The following CLVS1 variants were observed in gnomAD, a reference collection of about 807,000 sequenced individuals.
CLVS1 encodes clavesin 1, also known as clavesin-1.
CLVS1 carries 10 observed loss-of-function variants against 33.1 expected under a neutral mutation model. The observed-to-expected ratio is 0.30, with a 90% CI of 0.19 to 0.51. The LOEUF (loss-of-function observed/expected upper bound fraction) is 0.51, where lower values mean the gene tolerates loss of function less well. Among genes scored for constraint, CLVS1 ranks in the 20% least tolerant of loss-of-function variants. CLVS1 has a pLI of 0.97. For missense variants in CLVS1, 343 were observed against 433.4 expected (o/e 0.79, Z 1.85); for synonymous variants, 163 against 166.1 (o/e 0.98, Z 0.14).
intron 2 of CLVS1, among the ~76,000 whole-genome samples, chr8:61,269,315 T>C (rs1809382148): frequency 6.6e-6 from 1 of 152,228 alleles, no homozygotes; most frequent in Non-Finnish European, 1.5e-5. Context: ...TTGTCAAAGA[T>C]CAGATAGTTG....
intron 1 of CLVS1, among the ~76,000 whole-genome samples, chr8:61,087,375 G>C (rs999534491): frequency 6.6e-6 from 1 of 152,160 alleles, no homozygotes; most frequent in African/African-American, 2.4e-5. Context: ...ATCCTTGAGG[G>C]AGTCAGGTCT....
chr8:61,177,421 C>A (rs1807134970), intron 2 of CLVS1, among the ~76,000 whole-genome samples: 1 of 152,166 alleles, frequency 6.6e-6, no homozygotes, highest in Non-Finnish European at 1.5e-5. Flanking sequence ...CTGAGGAATC[C>A]ATCAGCCCAG....
At chr8:61,340,968 G>A (rs550988628) in intron 2 of CLVS1, among the ~76,000 whole-genome samples, 1 of 152,170 alleles carries the variant, frequency 6.6e-6, no homozygotes, top group Non-Finnish European at 1.5e-5. Context: ...GTATTTCCTG[G>A]TTTTTGCTTT....
At chr8:61,361,157 A>G (rs143141327) in intron 2 of CLVS1, among the ~76,000 whole-genome samples, 190 of 152,312 alleles carry the variant, frequency 1.2e-3, no homozygotes, top group Middle Eastern at 3.4e-3. Flanking sequence ...GTGCTAACCC[A>G]TTAATGAGAA....
intron 2 of CLVS1, among the ~76,000 whole-genome samples, chr8:61,275,083 A>C (rs1240381776): frequency 6.6e-6 from 1 of 152,190 alleles, no homozygotes; most frequent in Non-Finnish European, 1.5e-5. Context: ...AAAGGCTATA[A>C]ATTATTATAA....
chr8:61,474,727 CTGTGCA>C (rs1817850171), intron 5 of CLVS1, among the ~76,000 whole-genome samples: 1 of 152,202 alleles, frequency 6.6e-6, no homozygotes, highest in Non-Finnish European at 1.5e-5. Flanking sequence ...AATCAGGCAC[CTGTGCA>C]TGTGGCACCC....
At chr8:61,356,573 T>A (rs1468405873) in intron 2 of CLVS1, among the ~76,000 whole-genome samples, 2 of 151,914 alleles carry the variant, frequency 1.3e-5, no homozygotes, top group Admixed American at 6.6e-5. Context: ...CTTTAATCCA[T>A]CTTGAATTAA....
chr8:61,216,073 C>G (rs1808079160), intron 2 of CLVS1, among the ~76,000 whole-genome samples: 1 of 152,184 alleles, frequency 6.6e-6, no homozygotes. Flanking sequence ...CCTTCACTTT[C>G]TCCTCTCCTA....
At chr8:61,235,193 A>G (rs763945997) in intron 2 of CLVS1, among the ~76,000 whole-genome samples, 1 of 152,240 alleles carries the variant, frequency 6.6e-6, no homozygotes, top group Non-Finnish European at 1.5e-5. Flanking sequence ...TTCAAAGGTC[A>G]AAACACAAGC....
intron 2 of CLVS1, among the ~76,000 whole-genome samples, chr8:61,252,328 T>C (rs1808967731): frequency 1.3e-5 from 2 of 152,218 alleles, no homozygotes; most frequent in Non-Finnish European, 2.9e-5. Context: ...AGGAGTGTTT[T>C]ACTTCCAATT....
chr8:61,365,570 AAG>A, intron 2 of CLVS1, among the ~76,000 whole-genome samples: 1 of 151,928 alleles, frequency 6.6e-6, no homozygotes, highest in African/African-American at 2.4e-5. Context: ...GTTTCATTGG[AAG>A]TAGGAGTAAT....
At chr8:61,372,378 TA>T (rs1304848089) in intron 2 of CLVS1, among the ~76,000 whole-genome samples, 1 of 152,192 alleles carries the variant, frequency 6.6e-6, no homozygotes, top group Admixed American at 6.5e-5. Flanking sequence ...TGGCAGATTA[TA>T]AACTCTAGAA....
the CLVS1 span, among the ~76,000 whole-genome samples, chr8:61,002,043 A>G: frequency 4.6e-5 from 7 of 151,878 alleles, no homozygotes; most frequent in African/African-American, 1.7e-4. Flanking sequence ...CAGTGGTGCA[A>G]TCTTGGTTCA....
At chr8:61,399,568 G>A (rs1814669155) in intron 3 of CLVS1, among the ~76,000 whole-genome samples, 1 of 152,090 alleles carries the variant, frequency 6.6e-6, no homozygotes, top group Non-Finnish European at 1.5e-5. Context: ...TTTTGCTTTT[G>A]TTGCAATTGC....
intron 2 of CLVS1, among the ~76,000 whole-genome samples, chr8:61,271,599 A>G (rs1222879802): frequency 8.2e-6 from 1 of 122,394 alleles, no homozygotes; most frequent in Non-Finnish European, 1.6e-5. Flanking sequence ...TGATGTGTCT[A>G]ATGTTGACAG....
intron 2 of CLVS1, among the ~76,000 whole-genome samples, chr8:61,229,982 T>C (rs548072095): frequency 1.3e-5 from 2 of 152,150 alleles, no homozygotes; most frequent in Non-Finnish European, 2.9e-5. Context: ...GACGTTCACA[T>C]CAGCTAGGAG....
At chr8:60,978,334 A>G in the CLVS1 span, among the ~76,000 whole-genome samples, 1 of 152,244 alleles carries the variant, frequency 6.6e-6, no homozygotes, top group Non-Finnish European at 1.5e-5. Context: ...GCATAAAACA[A>G]TGATTATATG....
chr8:61,368,187 A>T (rs1813292332), intron 2 of CLVS1, among the ~76,000 whole-genome samples: 1 of 152,242 alleles, frequency 6.6e-6, no homozygotes, highest in African/African-American at 2.4e-5. Flanking sequence ...ATGGTGAGTT[A>T]TTGCACATGC....
intron 3 of CLVS1, among the ~76,000 whole-genome samples, chr8:61,396,339 A>G (rs1814527506): frequency 6.6e-6 from 1 of 152,224 alleles, no homozygotes; most frequent in South Asian, 2.1e-4. Context: ...AGTTTAAAAA[A>G]TAAAAAGTAA....
Sources: gnomAD v4.1 joint callset for allele counts (sites outside exome capture counted in the v4.1 genomes callset) on GRCh38, gnomAD v4.1.1 for gene constraint, MANE v1.5 for transcripts, NCBI Gene and HGNC (gene_info 2026-07-23, HGNC 2026-07-21) for gene names.